Variants in RPH3A observed in about 807,000 individuals in gnomAD.
RPH3A encodes rabphilin 3A.
In RPH3A, 48 loss-of-function variants were observed where a neutral mutation model predicts 102.2. The ratio of observed to expected loss-of-function variants is 0.47; its 90% CI spans 0.37 to 0.60. The LOEUF is 0.60. Ranked by LOEUF, RPH3A falls within the 20% of genes least tolerant of loss-of-function variation. RPH3A has a pLI of 0.00. For missense variants in RPH3A, 781 were observed against 910.1 expected (o/e 0.86, Z 1.83); for synonymous variants, 310 against 324.3 (o/e 0.96, Z 0.47).
rs1422567745 is a variant in RPH3A, at chr12:112,619,858, A to G, written c.-140+44539A>G. On this transcript the variant is annotated intron_variant, in intron 1 of 21. Coordinates refer to the RPH3A transcript ENST00000543106. ...CATAATAATATTCTATTGGATAAAT[A>G]TACCCTACTGATTTTATCAATTCCC... is the stretch of plus-strand genomic sequence containing the variant. Among the ~76,000 whole-genome samples the G allele has an allele frequency of 3.9e-5, 6 of 152,224 alleles. No homozygotes were observed. The East Asian group carries it at 1.2e-3, about 29-fold the overall frequency.
chr12:112,618,386 A>G (rs1451166040), intron 1 of RPH3A, among the ~76,000 whole-genome samples: 3 of 152,292 alleles, frequency 2.0e-5, no homozygotes, highest in African/African-American at 7.2e-5. Flanking sequence ...TCGCAAGCCC[A>G]GTTCATCACA....
chr12:112,636,999 T>C (rs1012087642), intron 1 of RPH3A, among the ~76,000 whole-genome samples: 2 of 152,164 alleles, frequency 1.3e-5, no homozygotes, highest in Admixed American at 6.5e-5. Flanking sequence ...CACCCCACTT[T>C]GTTGAACCCT....
chr12:112,883,064 T>C (rs1373832780), intron 15 of RPH3A, among the ~76,000 whole-genome samples: 1 of 152,158 alleles, frequency 6.6e-6, no homozygotes, highest in East Asian at 1.9e-4. Context: ...GGAGGCTTAG[T>C]GCATGGAGGG....
At chr12:112,645,198 C>T (rs907208301) in intron 1 of RPH3A, among the ~76,000 whole-genome samples, 4 of 152,158 alleles carry the variant, frequency 2.6e-5, no homozygotes, top group African/African-American at 9.7e-5. Flanking sequence ...CACAAGGCAA[C>T]ATTGATTTTA....
chr12:112,854,238 C>T (rs962730919), intron 5 of RPH3A, among the ~76,000 whole-genome samples: 2 of 152,198 alleles, frequency 1.3e-5, no homozygotes, highest in African/African-American at 2.4e-5. Context: ...TCAGTGTCCC[C>T]GAGGGGCAAA....
rs1355899657 is a variant in RPH3A at position 112,838,385 on chromosome 12, T to A, written c.83+1883T>A. On this transcript the variant is annotated intron_variant, in intron 4 of 21. Coordinates refer to ENST00000389385, the MANE Select transcript of RPH3A (RefSeq NM_001143854.2). ...TGTGGGGGACCCACAGCATCCCTTC[T>A]GCACTCCCATTAGTCTGGTTGGGGT... 1.3e-5 allele frequency among the ~76,000 whole-genome samples: 2 copies of A among 152,238 alleles called. 1 individual carries two copies. Among genetic ancestry groups the A allele is most frequent in the Admixed American group, 1.3e-4 (2 of 15,286 alleles).
At chr12:112,656,436 G>A (rs1233340846) in intron 1 of RPH3A, among the ~76,000 whole-genome samples, 1 of 152,190 alleles carries the variant, frequency 6.6e-6, no homozygotes, top group African/African-American at 2.4e-5. Context: ...GAACTTATCA[G>A]TATCTTCTCA....
chr12:112,799,753 GA>G (rs1267160245), intron 2 of RPH3A, among the ~76,000 whole-genome samples: 11 of 152,286 alleles, frequency 7.2e-5, no homozygotes, highest in African/African-American at 2.6e-4. Context: ...TCACCCGGGG[GA>G]TATAGGGTAG....
intron 1 of RPH3A, among the ~76,000 whole-genome samples, chr12:112,677,844 CAA>C (rs1555283097): frequency 6.6e-6 from 1 of 152,066 alleles, no homozygotes. Flanking sequence ...CTCCAGGTGA[CAA>C]AGTCTGTACT....
intron 1 of RPH3A, among the ~76,000 whole-genome samples, chr12:112,614,530 A>G (rs2039662959): frequency 6.6e-6 from 1 of 150,948 alleles, no homozygotes; most frequent in African/African-American, 2.4e-5. Context: ...TTAAAAAAAA[A>G]AAAAAGCAAA....
chr12:112,738,013 T>A lies in RPH3A; in HGVS notation c.-139-54130T>A, dbSNP rs144486906. 6.0e-3 allele frequency among the ~76,000 whole-genome samples: 913 copies of A among 152,298 alleles called. 7 individuals carry two copies. The highest frequency in any genetic ancestry group is 8.3e-3 in the Non-Finnish European group (563 of 68,034). On this transcript the variant is annotated intron_variant, in intron 1 of 21. Transcript: ENST00000543106. ...AATGGAGCAGCAGTGAGGGCTGTGC[T>A]CCCTCTGAGACTTTGGAGAAGTCCT...
In RPH3A at chr12:112,576,818, C is replaced by T. The variant is rs115654720; in HGVS notation, c.-140+1499C>T. Reference sequence around the variant, plus strand: ...TTACTCTTGTCAGGGCCCTGGGGCCCTGAGCTATTCCCTCTTATAAAACTT... The same window carrying T: ...TTACTCTTGTCAGGGCCCTGGGGCCTTGAGCTATTCCCTCTTATAAAACTT... On this transcript the variant is annotated intron_variant, in intron 1 of 21. Coordinates refer to the RPH3A transcript ENST00000543106. Among the ~76,000 whole-genome samples, 218 of 151,110 alleles carry T rather than the reference C, an allele frequency of 1.4e-3. 1 individual carries two copies. The highest frequency in any genetic ancestry group is 5.0e-3 in the African/African-American group (206 of 41,172).
At chr12:112,597,448 A>G (rs1024170276) in intron 1 of RPH3A, among the ~76,000 whole-genome samples, 22 of 151,948 alleles carry the variant, frequency 1.4e-4, no homozygotes, top group African/African-American at 5.1e-4. Flanking sequence ...AGCCAGGCAT[A>G]GTGGTGTGTG....
intron 1 of RPH3A, among the ~76,000 whole-genome samples, chr12:112,719,021 G>T (rs1053952663): frequency 2.6e-5 from 4 of 152,160 alleles, no homozygotes; most frequent in African/African-American, 4.8e-5. Context: ...CTGTCAAGTG[G>T]TTTTCACCTC....
rs886205006 is a variant in RPH3A at position 112,631,522 on chromosome 12, A to AT, written c.-140+56213dup. ...GTATAAATTTATTTTCTTATTAAAA[A>AT]TTTTTTTTTTGAGACAGGGTCTCTG... On this transcript the variant is annotated intron_variant, in intron 1 of 21. Transcript: ENST00000543106. Among the ~76,000 whole-genome samples, 24 of 150,330 alleles carry AT rather than the reference A, an allele frequency of 1.6e-4. No individual in the cohort carries two copies. The East Asian group carries it at 2.9e-3, about 18-fold the overall frequency.
At chr12:112,838,574 G>C (rs2042092648) in intron 4 of RPH3A, among the ~76,000 whole-genome samples, 1 of 152,190 alleles carries the variant, frequency 6.6e-6, no homozygotes, top group Admixed American at 6.5e-5. Flanking sequence ...GGGAAGGGAG[G>C]GGGAGAAGAA....
At chr12:112,581,296 C>T (rs538811470) in intron 1 of RPH3A, among the ~76,000 whole-genome samples, 5 of 152,084 alleles carry the variant, frequency 3.3e-5, no homozygotes, top group African/African-American at 4.8e-5. Context: ...AGAGCATGTG[C>T]GAGGGAACTC....
chr12:112,713,102 T>TCTTCTTCTCCTTCTTC (rs575141531), intron 1 of RPH3A, among the ~76,000 whole-genome samples: 2 of 135,550 alleles, frequency 1.5e-5, no homozygotes, highest in African/African-American at 2.6e-5. Flanking sequence ...TTCTTCTTCT[T>TCTTCTTCTCCTTCTTC]TTATTTTTTT....
chr12:112,865,674 GT>G lies in RPH3A; in HGVS notation c.360+138del, dbSNP rs895582390. On this transcript the variant is annotated intron_variant, in intron 6 of 21. Coordinates refer to ENST00000389385, the MANE Select transcript of RPH3A (RefSeq NM_001143854.2). ...CCTGAAGATCACTTGCCAGGATATGGTTTTTTTCTGGGATGCTTCCATGCCC... is the reference window on the plus strand; with the variant it reads ...CCTGAAGATCACTTGCCAGGATATGGTTTTTTCTGGGATGCTTCCATGCCC... The G allele has an allele frequency of 1.4e-5, 14 of 1,004,184 alleles. No individual in the cohort carries two copies. In the African/African-American group the frequency reaches 1.4e-4, roughly 10 times the overall value. 62.2% of individuals were successfully genotyped at this position (1,004,184 alleles called of 1,614,324 possible).
Sources: allele counts gnomAD v4.1 joint callset (sites outside exome capture counted in the v4.1 genomes callset), GRCh38; gene constraint gnomAD v4.1.1; transcripts MANE v1.5; gene names NCBI Gene and HGNC (gene_info 2026-07-23, HGNC 2026-07-21).